NAB1: variants seen among roughly 807,000 people sequenced by gnomAD.
NAB1 encodes NGFI-A binding protein 1.
Under a neutral mutation model 49.9 loss-of-function variants are expected in NAB1, and 25 were observed. That is an observed-to-expected ratio of 0.50 (90% CI 0.37 to 0.70). The LOEUF is 0.70. NAB1 is among the 30% of genes least tolerant of loss of function. The pLI, the probability that NAB1 is intolerant of heterozygous loss-of-function variation, is 0.00. For missense variants in NAB1, 489 were observed against 575.9 expected, an observed-to-expected ratio of 0.85 and a Z score of 1.54; for synonymous variants, 198 against 215.6, an observed-to-expected ratio of 0.92 and a Z score of 0.71.
chr2:190,670,379 G>C lies in NAB1; in HGVS notation c.873G>C (p.Leu291=). The C allele has an allele frequency of 1.2e-6, 2 of 1,614,030 alleles. No homozygotes were observed. The highest frequency in any genetic ancestry group is 1.7e-6 in the Non-Finnish European group (2 of 1,179,938). ...AQLCVKDNAL[L]TRRDELFALA... The stretch of plus-strand genomic sequence containing the variant: ...TCTGTGTGAAGGATAATGCCCTGCT[G>C]ACAAGAAGAGATGAGCTTTTTGCCT... Residue 291 remains leucine (L), a synonymous_variant, in exon 5 of 10, where the codon CTG becomes CTC. Transcript: ENST00000337386. This position sits in a 1 kb window ranked among gnomAD's most constrained non-coding sequence, Gnocchi z 5.3.
Position 190,682,382 on chromosome 2 carries a change from T to TA in NAB1, c.1006-1355dup, listed in dbSNP as rs1695392258. ...GTTACTCATCCGGTGGTCACATAGCTAGTGAGTGGTGACAGGCCTTTCGAA... is the reference window on the plus strand; with the variant it reads ...GTTACTCATCCGGTGGTCACATAGCTAAGTGAGTGGTGACAGGCCTTTCGAA... On this transcript the variant is annotated intron_variant, in intron 6 of 9. Coordinates refer to ENST00000337386, the MANE Select transcript of NAB1 (RefSeq NM_005966.4). This position sits in a 1 kb window ranked among gnomAD's most constrained non-coding sequence, Gnocchi z 4.1. Among the ~76,000 whole-genome samples, 1 of 152,068 alleles carries TA rather than the reference T, an allele frequency of 6.6e-6. No homozygotes were observed. The highest frequency in any genetic ancestry group is 2.4e-5 in the African/African-American group (1 of 41,346).
chr2:190,692,560 T>A lies in NAB1; in HGVS notation c.*2227T>A, dbSNP rs1444726553. 1 of 152,662 alleles carries A rather than the reference T, an allele frequency of 6.6e-6. No individual in the cohort carries two copies. Among genetic ancestry groups the A allele is most frequent in the Admixed American group, 6.5e-5 (1 of 15,286 alleles). The allele number at this position is 152,662 out of a possible 1,614,324, so 9.5% of individuals were successfully genotyped here. A position where few individuals can be genotyped will look rare whatever the true frequency, so the allele number is the denominator to read the frequency against. ...GAATTGGAAGTTATAATTAGTTGAT[T>A]TTTTCATTTTGTTAGAGGTATTTTC... On this transcript the variant is annotated 3_prime_UTR_variant, in exon 10 of 10. Transcript: ENST00000337386. This position sits in a 1 kb window ranked among gnomAD's most constrained non-coding sequence, Gnocchi z 5.2.
At chr2:190,681,419 G>C (rs1475989118) in intron 6 of NAB1, among the ~76,000 whole-genome samples, 1 of 6,612 alleles carries the variant, frequency 1.5e-4, no homozygotes, top group African/African-American at 1.9e-4. Context: ...GGATTTTTCA[G>C]TCTAAATAGA....
At chr2:190,662,387 CTTT>C (rs201737455) in intron 4 of NAB1, among the ~76,000 whole-genome samples, 2 of 146,500 alleles carry the variant, frequency 1.4e-5, no homozygotes. Context: ...TTAAGCCCCT[CTTT>C]TTTTTTTTTT....
At position 190,651,167 on chromosome 2, in the gene NAB1, G is replaced by A. The variant is rs111994450; in HGVS notation, c.-197+1185G>A. 2.0e-5 allele frequency among the ~76,000 whole-genome samples: 3 copies of A among 152,102 alleles called. No homozygotes were observed. Among genetic ancestry groups the A allele is most frequent in the South Asian group, 2.1e-4 (1 of 4,824 alleles). On this transcript the variant is annotated intron_variant, in intron 2 of 9. Transcript: ENST00000337386. This position sits in a 1 kb window ranked among gnomAD's most constrained non-coding sequence, Gnocchi z 4.3. Reference sequence around the variant, plus strand: ...TAATTCAAATGACAGAAATTCTTAGGATTACTATGGTTGTTACAAGGACAT... The same window carrying A: ...TAATTCAAATGACAGAAATTCTTAGAATTACTATGGTTGTTACAAGGACAT...
At chr2:190,661,518 T>A (rs1211534616) in intron 4 of NAB1, among the ~76,000 whole-genome samples, 1 of 152,232 alleles carries the variant, frequency 6.6e-6, no homozygotes, top group Non-Finnish European at 1.5e-5. Flanking sequence ...ATGTGTTTTT[T>A]ATCAAAGTAA....
chr2:190,664,043 G>A (rs768769686), intron 4 of NAB1, among the ~76,000 whole-genome samples: 4 of 152,174 alleles, frequency 2.6e-5, no homozygotes, highest in Non-Finnish European at 5.9e-5. Flanking sequence ...TGTTTTTTAC[G>A]TTTGGAAACG....
intron 4 of NAB1, among the ~76,000 whole-genome samples, chr2:190,668,691 T>C (rs928827319): frequency 6.6e-6 from 1 of 152,212 alleles, no homozygotes; most frequent in Non-Finnish European, 1.5e-5. Flanking sequence ...GATTGCATGC[T>C]ATTTATTTTT....
In NAB1 at chr2:190,651,357, A is replaced by C. The variant is rs1693659917; in HGVS notation, c.-197+1375A>C. Reference sequence around the variant, plus strand: ...AGATGTTTATTCTCCTTGTTAGAGAAACACTGAAAGCATTAGGTATTTTCA... The same window carrying C: ...AGATGTTTATTCTCCTTGTTAGAGACACACTGAAAGCATTAGGTATTTTCA... On this transcript the variant is annotated intron_variant, in intron 2 of 9. Coordinates refer to ENST00000337386, the MANE Select transcript of NAB1 (RefSeq NM_005966.4). This position sits in a 1 kb window ranked among gnomAD's most constrained non-coding sequence, Gnocchi z 4.3. Among the ~76,000 whole-genome samples, 1 of 152,246 alleles carries C rather than the reference A, an allele frequency of 6.6e-6. No individual in the cohort carries two copies. The highest frequency in any genetic ancestry group is 2.1e-4 in the South Asian group (1 of 4,832).
rs1695617414 is a variant in NAB1, at chr2:190,686,560, T to TA, written c.1259-640dup. On this transcript the variant is annotated intron_variant, in intron 8 of 9. Coordinates refer to ENST00000337386, the MANE Select transcript of NAB1 (RefSeq NM_005966.4). The surrounding 1 kb of genome is among the most constrained non-coding windows in gnomAD (Gnocchi z 5.5). The stretch of plus-strand genomic sequence containing the variant: ...AGAAAGTTCTTCCTTTTAAAAATAT[T>TA]ACAGGAACCTCTGAGTTGAGGTCTT... Among the ~76,000 whole-genome samples, 1 of 152,186 alleles carries TA rather than the reference T, an allele frequency of 6.6e-6. No individual in the cohort carries two copies. Among genetic ancestry groups the TA allele is most frequent in the African/African-American group, 2.4e-5 (1 of 41,452 alleles).
At chr2:190,672,563 G>A (rs1694867091) in intron 5 of NAB1, among the ~76,000 whole-genome samples, 2 of 152,078 alleles carry the variant, frequency 1.3e-5, no homozygotes, top group South Asian at 4.2e-4. Flanking sequence ...ATCTCATGTA[G>A]CCATAAACAT....
In NAB1 at chr2:190,682,247, A is replaced by C. The variant is rs999468056; in HGVS notation, c.1006-1491A>C. On this transcript the variant is annotated intron_variant, in intron 6 of 9. Coordinates refer to ENST00000337386, the MANE Select transcript of NAB1 (RefSeq NM_005966.4). The surrounding 1 kb of genome is among the most constrained non-coding windows in gnomAD (Gnocchi z 4.1). ...CTTATTTAGTAATTATTACATGCTG[A>C]AGGCATTATCTCACTTGCTTTATCT... is the stretch of plus-strand genomic sequence containing the variant. Among the ~76,000 whole-genome samples, 5 of 152,222 alleles carry C rather than the reference A, an allele frequency of 3.3e-5. No individual in the cohort carries two copies. Among genetic ancestry groups the C allele is most frequent in the African/African-American group, 1.2e-4 (5 of 41,446 alleles).
chr2:190,671,056 G>A (rs951250200), intron 5 of NAB1, among the ~76,000 whole-genome samples: 1 of 152,226 alleles, frequency 6.6e-6, no homozygotes, highest in African/African-American at 2.4e-5. Context: ...TGAGCCATAA[G>A]CATTGTCTAC....
At chr2:190,650,676 G>T (rs1559220088) in intron 2 of NAB1, among the ~76,000 whole-genome samples, 2 of 152,188 alleles carry the variant, frequency 1.3e-5, no homozygotes. Context: ...TTTTCCTGAA[G>T]ACCTGAAAGA....
At chr2:190,672,764 C>T (rs1045910033) in intron 5 of NAB1, among the ~76,000 whole-genome samples, 2 of 151,740 alleles carry the variant, frequency 1.3e-5, no homozygotes, top group Non-Finnish European at 2.9e-5. Context: ...TCACTTGAGC[C>T]TAGGAGTTTG....
intron 9 of NAB1, 71 bp downstream of exon 9, chr2:190,687,388 CCCCCAT>C: frequency 1.6e-6 from 1 of 643,558 alleles, no homozygotes; most frequent in Non-Finnish European, 2.4e-6. Flanking sequence ...TCTATTTCCT[CCCCCAT>C]CAAAAAAAAA....
At position 190,657,793 on chromosome 2, in the gene NAB1, G is replaced by C. The variant is rs936230328; in HGVS notation, c.-19-1365G>C. Among the ~76,000 whole-genome samples the C allele has an allele frequency of 7.2e-5, 11 of 152,168 alleles. No individual in the cohort carries two copies. The highest frequency in any genetic ancestry group is 2.7e-4 in the African/African-American group (11 of 41,428). On this transcript the variant is annotated intron_variant, in intron 3 of 9. Transcript: ENST00000337386. This position sits in a 1 kb window ranked among gnomAD's most constrained non-coding sequence, Gnocchi z 4.4. Reference sequence around the variant, plus strand: ...TTCTGATTGGTGGCATAAAACAAAAGTCCCAAGTTCAGTGACTTCTTGGCT... The same window carrying C: ...TTCTGATTGGTGGCATAAAACAAAACTCCCAAGTTCAGTGACTTCTTGGCT...
At chr2:190,668,307 C>CTA (rs1221500032) in intron 4 of NAB1, among the ~76,000 whole-genome samples, 1 of 152,046 alleles carries the variant, frequency 6.6e-6, no homozygotes, top group Non-Finnish European at 1.5e-5. Flanking sequence ...TTAAGAATCT[C>CTA]TTATGCAGCT....
At chr2:190,658,169 C>G (rs1052282027) in intron 3 of NAB1, among the ~76,000 whole-genome samples, 16 of 152,312 alleles carry the variant, frequency 1.1e-4, no homozygotes, top group African/African-American at 3.8e-4. Flanking sequence ...TTCCTTGGCT[C>G]TGTCTTAGGC....
Sources: allele counts gnomAD v4.1 joint callset (sites outside exome capture counted in the v4.1 genomes callset), GRCh38; gene constraint gnomAD v4.1.1; non-coding constraint Gnocchi (gnomAD v3.1); transcripts MANE v1.5; gene names NCBI Gene and HGNC (gene_info 2026-07-23, HGNC 2026-07-21).